KCNH1: variants seen among roughly 807,000 people sequenced by gnomAD.
KCNH1 encodes voltage-gated delayed rectifier potassium channel KCNH1.
A neutral mutation model predicts 69.2 loss-of-function variants in KCNH1; 27 were observed. The observed-to-expected ratio is 0.39, with a 90% CI of 0.29 to 0.54. The LOEUF (loss-of-function observed/expected upper bound fraction) is 0.54, where lower values mean the gene tolerates loss of function less well. Among genes scored for constraint, KCNH1 ranks in the 20% least tolerant of loss-of-function variants. The probability of loss-of-function intolerance (pLI) is 0.68; values close to 1 mark genes in which losing one functional copy is unlikely to be tolerated. For missense variants in KCNH1, 798 were observed against 1,261.6 expected (o/e 0.63, Z 5.57); for synonymous variants, 456 against 487.7 (o/e 0.93, Z 0.86).
intron 7 of KCNH1, among the ~76,000 whole-genome samples, chr1:210,888,700 A>G (rs1403231698): frequency 6.6e-6 from 1 of 152,100 alleles, no homozygotes; most frequent in Non-Finnish European, 1.5e-5. Context: ...TCAAATAGAC[A>G]CAATAAAAAA....
chr1:210,782,180 C>T (rs191041829), intron 9 of KCNH1, among the ~76,000 whole-genome samples: 9 of 152,290 alleles, frequency 5.9e-5, no homozygotes, highest in East Asian at 5.8e-4. Context: ...GTCTCCGGTA[C>T]GTGGCAGGCA....
At chr1:211,017,926 G>T (rs1205575934) in intron 6 of KCNH1, among the ~76,000 whole-genome samples, 2 of 152,138 alleles carry the variant, frequency 1.3e-5, no homozygotes, top group East Asian at 3.9e-4. Context: ...GTCATGGGGG[G>T]TGGATCCCTC....
rs772189307 is a variant in KCNH1, at chr1:210,684,107, C to T, written c.2144G>A (p.Arg715His). 2 of 1,512,396 alleles carry T rather than the reference C, an allele frequency of 1.3e-6. No homozygotes were observed. Among genetic ancestry groups the T allele is most frequent in the Non-Finnish European group, 1.8e-6 (2 of 1,130,292 alleles). The allele number at this position is 1,512,396 out of a possible 1,614,324, so 93.7% of individuals were successfully genotyped here. The change falls in exon 11 of 11, where the codon CGT becomes CAT. Residue 715 changes from arginine to histidine, a missense_variant. Physicochemically the swap from Arg to His is conservative, Grantham distance 29 (BLOSUM62 0). This residue lies in a region of KCNH1 where 197 missense variants were observed against 407.7 expected (regional missense o/e 0.48). Coordinates refer to ENST00000271751, the MANE Select transcript of KCNH1 (RefSeq NM_172362.3). ...IVFRKISDVK[R>H]EEEERMKRKN... is the part of the protein sequence containing the mutation. The stretch of plus-strand genomic sequence containing the variant: ...TCGTTTCATGCGTTCTTCCTCTTCA[C>T]GTTTCACATCGCTGATCTTCCGGAA...
intron 1 of KCNH1, among the ~76,000 whole-genome samples, chr1:211,132,346 A>C (rs556390481): frequency 5.9e-5 from 9 of 152,212 alleles, no homozygotes; most frequent in Non-Finnish European, 1.0e-4. Context: ...AAAACAGTTC[A>C]TTGTGGCTGT....
chr1:210,986,299 G>C (rs1236806670), intron 6 of KCNH1, among the ~76,000 whole-genome samples: 1 of 152,120 alleles, frequency 6.6e-6, no homozygotes, highest in Non-Finnish European at 1.5e-5. Context: ...GGTTAATATT[G>C]TTATGTGTGA....
At chr1:210,686,666 T>C (rs1175706952) in intron 10 of KCNH1, among the ~76,000 whole-genome samples, 11 of 152,330 alleles carry the variant, frequency 7.2e-5, no homozygotes. Flanking sequence ...ATTGCTCTTT[T>C]CCTGCCCTTT....
rs1010454892 is a variant in KCNH1 at position 210,934,425 on chromosome 1, T to G, written c.1033-14356A>C. Among the ~76,000 whole-genome samples, 12 of 152,078 alleles carry G rather than the reference T, an allele frequency of 7.9e-5. 1 individual carries two copies. The highest frequency in any genetic ancestry group is 1.5e-5 in the Non-Finnish European group (1 of 67,984). ...ATTCCAGCACTTTGTGGGGCCAAGG[T>G]GGGCAGATCATGAGGTCAGGAGTTC... is the stretch of plus-strand genomic sequence containing the variant. On this transcript the variant is annotated intron_variant, in intron 6 of 10. Transcript: ENST00000271751.
intron 1 of KCNH1, among the ~76,000 whole-genome samples, chr1:211,129,722 C>G (rs979141585): frequency 6.6e-6 from 1 of 152,184 alleles, no homozygotes; most frequent in Admixed American, 6.5e-5. Context: ...TACCATGGCT[C>G]AAAACACCCA....
At chr1:210,862,822 C>T (rs1686008176) in intron 7 of KCNH1, among the ~76,000 whole-genome samples, 1 of 152,112 alleles carries the variant, frequency 6.6e-6, no homozygotes, top group South Asian at 2.1e-4. Flanking sequence ...GGAGGAAAGG[C>T]CCTTATCTCA....
intron 5 of KCNH1, among the ~76,000 whole-genome samples, chr1:211,056,615 A>C (rs1008681980): frequency 1.3e-5 from 2 of 152,184 alleles, no homozygotes; most frequent in Non-Finnish European, 2.9e-5. Flanking sequence ...CTTGGGGTCT[A>C]ACCTAGTACA....
chr1:210,726,930 T>C (rs796975498), intron 10 of KCNH1, among the ~76,000 whole-genome samples: 6 of 152,248 alleles, frequency 3.9e-5, no homozygotes, highest in African/African-American at 1.4e-4. Context: ...CCATGTCTTT[T>C]ATTATGAATG....
chr1:211,006,973 A>G (rs1019085423), intron 6 of KCNH1, among the ~76,000 whole-genome samples: 1 of 152,150 alleles, frequency 6.6e-6, no homozygotes, highest in Non-Finnish European at 1.5e-5. Context: ...AAAAAAAGAC[A>G]GACAATATAT....
rs141030225 is a variant in KCNH1 at position 210,839,568 on chromosome 1, G to A, written c.1463-35402C>T. 1.3e-3 allele frequency among the ~76,000 whole-genome samples: 203 copies of A among 152,232 alleles called. 1 individual carries two copies. Among genetic ancestry groups the A allele is most frequent in the South Asian group, 2.9e-3 (14 of 4,814 alleles). ...TGTAACAAACCCACACATCCTACAC[G>A]TGTACCCCTGAACTTAAAAGTTGGA... On this transcript the variant is annotated intron_variant, in intron 7 of 10. Coordinates refer to ENST00000271751, the MANE Select transcript of KCNH1 (RefSeq NM_172362.3).
At chr1:210,877,943 C>A (rs1226143590) in intron 7 of KCNH1, among the ~76,000 whole-genome samples, 1 of 152,106 alleles carries the variant, frequency 6.6e-6, no homozygotes, top group Non-Finnish European at 1.5e-5. Flanking sequence ...GCATAAATAA[C>A]AAAGTCACCT....
At chr1:210,772,968 T>C (rs1683780972) in intron 10 of KCNH1, among the ~76,000 whole-genome samples, 1 of 152,144 alleles carries the variant, frequency 6.6e-6, no homozygotes, top group East Asian at 1.9e-4. Flanking sequence ...TTTGTTGTCA[T>C]TCTTGTTTTT....
At chr1:210,982,674 G>A (rs1688737295) in intron 6 of KCNH1, among the ~76,000 whole-genome samples, 1 of 152,144 alleles carries the variant, frequency 6.6e-6, no homozygotes, top group Admixed American at 6.5e-5. Flanking sequence ...TATCGTTGTT[G>A]GACATTTGGG....
intron 5 of KCNH1, among the ~76,000 whole-genome samples, chr1:211,029,018 G>A (rs1018501809): frequency 1.1e-4 from 16 of 151,776 alleles, no homozygotes; most frequent in African/African-American, 3.9e-4. Context: ...ACAAATAGTA[G>A]CAAACAGAAT....
chr1:210,939,351 G>A (rs1687838472), intron 6 of KCNH1, among the ~76,000 whole-genome samples: 1 of 152,100 alleles, frequency 6.6e-6, no homozygotes, highest in African/African-American at 2.4e-5. Context: ...CCAAAAAGAG[G>A]GATGATGGTC....
At chr1:210,924,366 T>G (rs1297590289) in intron 6 of KCNH1, among the ~76,000 whole-genome samples, 1 of 152,240 alleles carries the variant, frequency 6.6e-6, no homozygotes, top group African/African-American at 2.4e-5. Context: ...ATAAAATTCT[T>G]TCTTGTTATA....
Sources: gnomAD v4.1 joint callset for allele counts (sites outside exome capture counted in the v4.1 genomes callset) on GRCh38, gnomAD v4.1.1 for gene constraint, gnomAD v4.1.1 regional missense constraint, MANE v1.5 for transcripts, NCBI Gene and HGNC (gene_info 2026-07-23, HGNC 2026-07-21) for gene names.